The following TBC1D4 variants were observed in gnomAD, a reference collection of about 807,000 sequenced individuals.
The protein encoded by TBC1D4 is TBC1 domain family member 4.
TBC1D4 carries 121 observed loss-of-function variants against 142.5 expected under a neutral mutation model. The observed-to-expected ratio is 0.85, with a 90% confidence interval of 0.73 to 0.99. TBC1D4 has a LOEUF of 0.99. Among genes scored for constraint, TBC1D4 ranks in the 50% least tolerant of loss-of-function variants. The probability of loss-of-function intolerance (pLI) is 0.00; values close to 1 mark genes in which losing one functional copy is unlikely to be tolerated. For synonymous variants in TBC1D4, 630 were observed against 628.2 expected (o/e 1.00, Z -0.04); for missense variants, 1,475 against 1,606.6 (o/e 0.92, Z 1.40).
chr13:75,369,554 AGT>A (rs1184442566), intron 1 of TBC1D4, among the ~76,000 whole-genome samples: 1 of 152,136 alleles, frequency 6.6e-6, no homozygotes, highest in African/African-American at 2.4e-5. Flanking sequence ...AAAAGGAAGC[AGT>A]CCATAGCTTC....
Position 75,330,434 on chromosome 13 carries a change from C to T in TBC1D4, c.1732-2608G>A, listed in dbSNP as rs191709212. On this transcript the variant is annotated intron_variant, in intron 8 of 20. Transcript: ENST00000377636. ...AATAGCTGCACCTAATATTATTGAA[C>T]GCTTATCATGTGCCATATACTACGT... 5.3e-5 allele frequency among the ~76,000 whole-genome samples: 8 copies of T among 152,282 alleles called. No individual in the cohort carries two copies. The East Asian group carries it at 1.3e-3, about 26-fold the overall frequency.
intron 1 of TBC1D4, among the ~76,000 whole-genome samples, chr13:75,470,863 T>C (rs1285223826): frequency 6.6e-6 from 1 of 152,046 alleles, no homozygotes; most frequent in Non-Finnish European, 1.5e-5. Context: ...GGAGCGTGCC[T>C]GTAGTCCCAG....
intron 1 of TBC1D4, among the ~76,000 whole-genome samples, chr13:75,410,074 A>G (rs892995422): frequency 1.3e-5 from 2 of 152,224 alleles, no homozygotes; most frequent in African/African-American, 4.8e-5. Context: ...ACAAAATAAC[A>G]GCACTCTCAG....
At chr13:75,301,936 G>A (rs1384201131) in intron 16 of TBC1D4, among the ~76,000 whole-genome samples, 1 of 152,118 alleles carries the variant, frequency 6.6e-6, no homozygotes, top group East Asian at 1.9e-4. Flanking sequence ...GCCCTAAAAA[G>A]TCAGTTGTTC....
chr13:75,381,622 G>A (rs1464883061), intron 1 of TBC1D4, among the ~76,000 whole-genome samples: 1 of 152,136 alleles, frequency 6.6e-6, no homozygotes, highest in Non-Finnish European at 1.5e-5. Context: ...CCAGATATGA[G>A]TCAAAGTTAT....
At chr13:75,452,986 A>G (rs938435485) in intron 1 of TBC1D4, among the ~76,000 whole-genome samples, 1 of 152,150 alleles carries the variant, frequency 6.6e-6, no homozygotes, top group South Asian at 2.1e-4. Context: ...TACATTTATA[A>G]AAATGTTGGC....
In TBC1D4 at chr13:75,327,709, TTTG is replaced by T. The variant is rs560340223; in HGVS notation, c.1806+40_1806+42del. ...TGCATATTACCATATCGGTGCTGACTTTGTTAAGTTGCAATTAGTGTAAACAAG... is the reference window on the plus strand; with the variant it reads ...TGCATATTACCATATCGGTGCTGACTTTAAGTTGCAATTAGTGTAAACAAG... On this transcript the variant is annotated intron_variant, in intron 9 of 20. Coordinates refer to ENST00000377636, the MANE Select transcript of TBC1D4 (RefSeq NM_014832.5). The T allele has an allele frequency of 1.6e-3, 2,486 of 1,592,282 alleles. 13 individuals carry two copies. Among genetic ancestry groups the T allele is most frequent in the South Asian group, 6.4e-3 (581 of 90,616 alleles).
chr13:75,326,568 T>A (rs745991912), intron 9 of TBC1D4, 145 bp from the exon 10 acceptor site: 1 of 838,500 alleles, frequency 1.2e-6, no homozygotes, highest in South Asian at 1.5e-5. Context: ...TTACTTAATT[T>A]ATGCCGTAGG....
chr13:75,340,325 C>T (rs971146416), intron 7 of TBC1D4, among the ~76,000 whole-genome samples: 5 of 152,134 alleles, frequency 3.3e-5, no homozygotes, highest in Admixed American at 2.0e-4. Context: ...TTTGATGTTA[C>T]GGCTGGTGGT....
At chr13:75,339,398 C>T (rs1880489099) in intron 7 of TBC1D4, among the ~76,000 whole-genome samples, 1 of 152,060 alleles carries the variant, frequency 6.6e-6, no homozygotes, top group Admixed American at 6.5e-5. Flanking sequence ...CACTCCCTTA[C>T]TTGAAATCCT....
At chr13:75,476,524 G>A in intron 1 of TBC1D4, among the ~76,000 whole-genome samples, 1 of 152,160 alleles carries the variant, frequency 6.6e-6, no homozygotes, top group East Asian at 1.9e-4. Flanking sequence ...TGGCTGAAAG[G>A]CAAAGTTTTC....
chr13:75,457,515 T>C (rs767664213), intron 1 of TBC1D4, among the ~76,000 whole-genome samples: 3 of 152,194 alleles, frequency 2.0e-5, no homozygotes, highest in African/African-American at 7.2e-5. Context: ...TGTGTTAAAC[T>C]ACTGGTAGAA....
chr13:75,409,846 G>A (rs1885531504), intron 1 of TBC1D4, among the ~76,000 whole-genome samples: 1 of 152,134 alleles, frequency 6.6e-6, no homozygotes, highest in African/African-American at 2.4e-5. Context: ...TCTAATCTTA[G>A]GATGTTAAGA....
Position 75,330,493 on chromosome 13 carries a change from C to T in TBC1D4, c.1732-2667G>A, listed in dbSNP as rs145647780. ...TTACACTGCATTAGCTCACTTAATC[C>T]TCATACCAGTTGTGAGGTAAGTATG... On this transcript the variant is annotated intron_variant, in intron 8 of 20. Transcript: ENST00000377636. Among the ~76,000 whole-genome samples the T allele has an allele frequency of 3.9e-3, 587 of 152,306 alleles. 5 individuals carry two copies. The highest frequency in any genetic ancestry group is 0.015 in the Admixed American group (228 of 15,298).
At chr13:75,411,572 T>C (rs1242533055) in intron 1 of TBC1D4, among the ~76,000 whole-genome samples, 1 of 152,164 alleles carries the variant, frequency 6.6e-6, no homozygotes, top group African/African-American at 2.4e-5. Flanking sequence ...GTCATCCAGG[T>C]TGGAGTGCCG....
At chr13:75,339,588 T>A (rs1177650022) in intron 7 of TBC1D4, among the ~76,000 whole-genome samples, 2 of 51,278 alleles carry the variant, frequency 3.9e-5, no homozygotes, top group African/African-American at 8.9e-5. Context: ...CTCAATGTTC[T>A]TTTTTTTTTT....
At chr13:75,380,583 A>T (rs9565159) in intron 1 of TBC1D4, among the ~76,000 whole-genome samples, 37,276 of 151,758 alleles carry the variant, frequency 0.25, 4,865 homozygotes, top group African/African-American at 0.33. Context: ...GAATTTACAA[A>T]CAATCAATCC....
chr13:75,335,245 C>A (rs1880099130), intron 8 of TBC1D4, among the ~76,000 whole-genome samples: 2 of 152,260 alleles, frequency 1.3e-5, no homozygotes, highest in Admixed American at 6.5e-5. Context: ...CTGCATCGGG[C>A]CATCCCCACA....
In TBC1D4 at chr13:75,313,337, T is replaced by C. The variant is rs1042195617; in HGVS notation, c.2223-439A>G. ...ACAGGTCAATAAAGACTGTTTCTAATTGCCTACGACTGTTAAGATGTGTCT... is the reference window on the plus strand; with the variant it reads ...ACAGGTCAATAAAGACTGTTTCTAACTGCCTACGACTGTTAAGATGTGTCT... On this transcript the variant is annotated intron_variant, in intron 12 of 20. Coordinates refer to ENST00000377636, the MANE Select transcript of TBC1D4 (RefSeq NM_014832.5). 3.9e-5 allele frequency among the ~76,000 whole-genome samples: 6 copies of C among 152,220 alleles called. No homozygotes were observed. The East Asian group carries it at 9.6e-4, about 24-fold the overall frequency.
Sources: allele counts gnomAD v4.1 joint callset (sites outside exome capture counted in the v4.1 genomes callset), GRCh38; gene constraint gnomAD v4.1.1; transcripts MANE v1.5; gene names NCBI Gene and HGNC (gene_info 2026-07-23, HGNC 2026-07-21).